The following FBXO10 variants were observed in gnomAD, a reference collection of about 807,000 sequenced individuals.
The protein encoded by FBXO10 is F-box protein 10, also known as F-box only protein 10.
Under a neutral mutation model 80.7 loss-of-function variants are expected in FBXO10, and 39 were observed. The observed-to-expected ratio is 0.48, with a 90% CI of 0.37 to 0.63. The LOEUF (loss-of-function observed/expected upper bound fraction) is 0.63, where lower values mean the gene tolerates loss of function less well. Among genes scored for constraint, FBXO10 ranks in the 30% least tolerant of loss-of-function variants. The pLI is 0.00. For missense variants in FBXO10, 1,025 were observed against 1,269.0 expected (o/e 0.81, Z 2.92); for synonymous variants, 449 against 489.6 (o/e 0.92, Z 1.09).
chr9:37,545,150 AT>A (rs1429063049), intron 1 of FBXO10, among the ~76,000 whole-genome samples: 3 of 124,438 alleles, frequency 2.4e-5, no homozygotes, highest in Non-Finnish European at 3.4e-5. Flanking sequence ...TTCTTCGTTT[AT>A]TTCTTTAGTT....
rs527296573 is a variant in FBXO10 at position 37,528,187 on chromosome 9, G to A, written c.1706+937C>T. 7.9e-5 allele frequency among the ~76,000 whole-genome samples: 12 copies of A among 152,224 alleles called. No homozygotes were observed. In the South Asian group the frequency reaches 8.3e-4, roughly 11 times the overall value. ...CTGTGTAGACAGAATAGGCTCCCCCGCCTCAGCTTGGTCTACATAAGGCCT... is the reference window on the plus strand; with the variant it reads ...CTGTGTAGACAGAATAGGCTCCCCCACCTCAGCTTGGTCTACATAAGGCCT... On this transcript the variant is annotated intron_variant, in intron 5 of 10. Coordinates refer to ENST00000432825, the MANE Select transcript of FBXO10 (RefSeq NM_012166.3).
Position 37,516,075 on chromosome 9 carries a change from TTCTTTATTA to T in FBXO10, c.2516_2524del (p.Val839_Asn842delinsAsp). On this transcript the variant is annotated inframe_deletion and splice_region_variant, in exon 10 of 11. Coordinates refer to ENST00000432825, the MANE Select transcript of FBXO10 (RefSeq NM_012166.3). ...GTAGGCCCGGAACGAGTGGATCCGG[TTCTTTATTA>T]CCTGGGAGAGGCAGCCAGAGATTGT... 6.2e-7 allele frequency: 1 copy of T among 1,611,666 alleles called. No homozygotes were observed. The highest frequency in any genetic ancestry group is 1.1e-5 in the South Asian group (1 of 90,912).
At position 37,537,359 on chromosome 9, in the gene FBXO10, C is replaced by G; in HGVS notation, c.1170G>C (p.Leu390=). ...TGGATGCTCCTGGTAGAGGTGGGCC[C>G]AGAAATGAGCCCCCCAATACAGGGC... ...GPRPVLGGSF[L]GPPLPGASIQ... The change falls in exon 3 of 11, where the codon CTG becomes CTC. Residue 390 remains leucine (L), a synonymous_variant. Coordinates refer to ENST00000432825, the MANE Select transcript of FBXO10 (RefSeq NM_012166.3). The G allele has an allele frequency of 6.3e-7, 1 of 1,599,374 alleles. No individual in the cohort carries two copies. The highest frequency in any genetic ancestry group is 8.5e-7 in the Non-Finnish European group (1 of 1,172,418).
intron 6 of FBXO10, among the ~76,000 whole-genome samples, chr9:37,523,664 G>A (rs548034696): frequency 1.3e-5 from 2 of 152,362 alleles, no homozygotes; most frequent in South Asian, 2.1e-4. Context: ...GCTCACGCCT[G>A]TAACCCCAGC....
intron 5 of FBXO10, 105 bp from the exon 6 acceptor site, chr9:37,525,277 CA>C: frequency 5.3e-6 from 6 of 1,138,520 alleles, no homozygotes; most frequent in East Asian, 2.6e-5. Flanking sequence ...ACAAAAAATA[CA>C]AAAAAATTAG....
intron 1 of FBXO10, among the ~76,000 whole-genome samples, chr9:37,551,191 A>C (rs55965674): frequency 0.064 from 9,807 of 152,308 alleles, 347 homozygotes; most frequent in Middle Eastern, 0.11. Context: ...TCCATGTCCA[A>C]CTTTCTGGAC....
At chr9:37,550,993 C>T (rs945814643) in intron 1 of FBXO10, among the ~76,000 whole-genome samples, 2 of 152,198 alleles carry the variant, frequency 1.3e-5, no homozygotes, top group Non-Finnish European at 2.9e-5. Flanking sequence ...GCAAATTCCC[C>T]TCCAGCTGTG....
intron 10 of FBXO10, among the ~76,000 whole-genome samples, chr9:37,513,672 C>G (rs1257423336): frequency 6.6e-6 from 1 of 152,082 alleles, no homozygotes; most frequent in Non-Finnish European, 1.5e-5. Context: ...TCACTGCAAC[C>G]TCTTCCTCCC....
rs2119036812 is a variant in FBXO10, at chr9:37,512,215, GT to G, written c.*331del. The G allele has an allele frequency of 5.0e-6, 1 of 198,864 alleles. No homozygotes were observed. The highest frequency in any genetic ancestry group is 5.8e-5 in the Admixed American group (1 of 17,358). 12.3% of individuals were successfully genotyped at this position (198,864 alleles called of 1,614,324 possible). A position where few individuals can be genotyped will look rare whatever the true frequency, so the allele number is the denominator to read the frequency against. ...CTGCTCTTTCCTGAGAAGAGTCTGG[GT>G]TTGGTGTGTGTAAAACACAGTTCCT... On this transcript the variant is annotated 3_prime_UTR_variant, in exon 11 of 11. Coordinates refer to ENST00000432825, the MANE Select transcript of FBXO10 (RefSeq NM_012166.3).
intron 1 of FBXO10, among the ~76,000 whole-genome samples, chr9:37,568,354 C>T (rs774295406): frequency 3.3e-5 from 5 of 151,980 alleles, no homozygotes; most frequent in East Asian, 3.9e-4. Flanking sequence ...CCTGCCACCA[C>T]GCCTGACTAA....
chr9:37,541,917 C>T (rs1419506759), intron 1 of FBXO10, 143 bp from the exon 2 acceptor site: 4 of 681,870 alleles, frequency 5.9e-6, no homozygotes, highest in African/African-American at 3.6e-5. Flanking sequence ...ATAACCTCCA[C>T]CTCCCAGATT....
chr9:37,545,246 G>A (rs879313977), intron 1 of FBXO10, among the ~76,000 whole-genome samples: 5 of 127,716 alleles, frequency 3.9e-5, no homozygotes, highest in Admixed American at 9.6e-5. Flanking sequence ...GTGCGATCTC[G>A]GCTCACTGCA....
intron 1 of FBXO10, among the ~76,000 whole-genome samples, chr9:37,555,210 C>A (rs1201814374): frequency 6.6e-6 from 1 of 152,074 alleles, no homozygotes; most frequent in East Asian, 1.9e-4. Context: ...ACCACCATGC[C>A]CAGGCTGTTG....
At chr9:37,561,151 A>C (rs1212639390) in intron 1 of FBXO10, among the ~76,000 whole-genome samples, 3 of 150,476 alleles carry the variant, frequency 2.0e-5, no homozygotes, top group Non-Finnish European at 2.9e-5. Context: ...CAAAAAAACA[A>C]AACAAAACAA....
chr9:37,519,751 G>C (rs1372291475), intron 8 of FBXO10, among the ~76,000 whole-genome samples: 2 of 152,194 alleles, frequency 1.3e-5, no homozygotes, highest in Non-Finnish European at 2.9e-5. Flanking sequence ...TGGGGCTGCT[G>C]GTTATCCATC....
At chr9:37,553,751 CA>C (rs34248221) in intron 1 of FBXO10, among the ~76,000 whole-genome samples, 65,519 of 139,658 alleles carry the variant, frequency 0.47, 14,669 homozygotes, top group Middle Eastern at 0.51. Context: ...ACTAAAAATA[CA>C]AAAAAAAAAA....
intron 3 of FBXO10, among the ~76,000 whole-genome samples, chr9:37,533,596 C>T (rs900709759): frequency 9.6e-5 from 14 of 145,310 alleles, no homozygotes; most frequent in Admixed American, 9.0e-4. Flanking sequence ...ATAGGCTGGA[C>T]GTGTTGGCTC....
chr9:37,551,990 G>C (rs1822208276), intron 1 of FBXO10, among the ~76,000 whole-genome samples: 1 of 152,218 alleles, frequency 6.6e-6, no homozygotes, highest in South Asian at 2.1e-4. Flanking sequence ...CTAGGACACA[G>C]ACATTGATTC....
intron 3 of FBXO10, 127 bp from the exon 4 acceptor site, chr9:37,532,185 G>A (rs1009291683): frequency 9.9e-6 from 10 of 1,011,670 alleles, no homozygotes; most frequent in African/African-American, 8.1e-5. Context: ...CAAGAGAAAC[G>A]CCTCAATGCT....
Sources: allele counts gnomAD v4.1 joint callset (sites outside exome capture counted in the v4.1 genomes callset), GRCh38; gene constraint gnomAD v4.1.1; transcripts MANE v1.5; gene names NCBI Gene and HGNC (gene_info 2026-07-23, HGNC 2026-07-21).